SVEP1: variants seen among roughly 807,000 people sequenced by gnomAD.
SVEP1 encodes the protein sushi, von Willebrand factor type A, EGF and pentraxin domain-containing protein 1.
A neutral mutation model predicts 367.3 loss-of-function variants in SVEP1; 164 were observed. The observed-to-expected ratio is 0.45, with a 90% CI of 0.39 to 0.51. The LOEUF (loss-of-function observed/expected upper bound fraction) is 0.51. Ranked by LOEUF, SVEP1 falls within the 20% of genes least tolerant of loss-of-function variation. The pLI, the probability that SVEP1 is intolerant of heterozygous loss-of-function variation, is 0.00. For synonymous variants in SVEP1, 1,666 were observed against 1,611.6 expected, an observed-to-expected ratio of 1.03 and a Z score of -0.81; for missense variants, 4,117 against 4,425.3, an observed-to-expected ratio of 0.93 and a Z score of 1.98.
rs1827315958 is a variant in SVEP1 at position 110,374,113 on chromosome 9, G to A, written c.10600+1255C>T. Among the ~76,000 whole-genome samples the A allele has an allele frequency of 1.3e-5, 2 of 152,084 alleles. 1 individual carries two copies. The highest frequency in any genetic ancestry group is 4.1e-4 in the South Asian group (2 of 4,824). ...TTTCATCACTCAGGTACTAAGCCTA[G>A]TTCCCAATAGTTATTTTGTTCTGAT... On this transcript the variant is annotated intron_variant, in intron 46 of 47. Coordinates refer to ENST00000374469, the MANE Select transcript of SVEP1 (RefSeq NM_153366.4).
intron 18 of SVEP1, among the ~76,000 whole-genome samples, chr9:110,462,052 A>C (rs1029747644): frequency 7.9e-5 from 12 of 152,146 alleles, no homozygotes; most frequent in African/African-American, 2.9e-4. Context: ...TAAAAGTATA[A>C]AACTTTTGTT....
chr9:110,437,741 G>A lies in SVEP1; in HGVS notation c.4640-1237C>T, dbSNP rs145739823. 2.6e-5 allele frequency among the ~76,000 whole-genome samples: 4 copies of A among 152,086 alleles called. No homozygotes were observed. In the East Asian group the frequency reaches 5.8e-4, roughly 22 times the overall value. ...TGAGATTTTGATGCACCCATCACCTGAGCTGTGTAAACTGTACCCAATGTG... is the reference window on the plus strand; with the variant it reads ...TGAGATTTTGATGCACCCATCACCTAAGCTGTGTAAACTGTACCCAATGTG... On this transcript the variant is annotated intron_variant, in intron 27 of 47. Coordinates refer to ENST00000374469, the MANE Select transcript of SVEP1 (RefSeq NM_153366.4).
At chr9:110,453,622 C>G (rs1588061027) in intron 22 of SVEP1, among the ~76,000 whole-genome samples, 1 of 152,036 alleles carries the variant, frequency 6.6e-6, no homozygotes, top group East Asian at 1.9e-4. Flanking sequence ...AATCCCAGCA[C>G]TTTGGGAGGC....
At chr9:110,522,051 C>T (rs1368610609) in intron 3 of SVEP1, among the ~76,000 whole-genome samples, 1 of 152,082 alleles carries the variant, frequency 6.6e-6, no homozygotes, top group Non-Finnish European at 1.5e-5. Flanking sequence ...TGTTAAACTA[C>T]TTTATATTCC....
In SVEP1 at chr9:110,365,373, G is replaced by A. The variant is rs1255977425; in HGVS notation, c.*1166C>T. 6.6e-6 allele frequency: 1 copy of A among 152,220 alleles called. No homozygotes were observed. Among genetic ancestry groups the A allele is most frequent in the Non-Finnish European group, 1.5e-5 (1 of 68,066 alleles). The allele number at this position is 152,220 out of a possible 1,614,324, so 9.4% of individuals were successfully genotyped here. A position where few individuals can be genotyped will look rare whatever the true frequency, so the allele number is the denominator to read the frequency against. On this transcript the variant is annotated 3_prime_UTR_variant, in exon 48 of 48. Transcript: ENST00000374469. ...CAATGGCTGAGGGATGCCTACGGTA[G>A]TGAAGAGAACCACTAGGAGAATCAA...
chr9:110,483,829 C>T, intron 9 of SVEP1, 136 bp from the exon 10 acceptor site: 1 of 491,830 alleles, frequency 2.0e-6, no homozygotes, highest in Non-Finnish European at 3.5e-6. Context: ...GACTCTGTGG[C>T]TCCTGTGATA....
chr9:110,496,136 C>T (rs1057346404), intron 8 of SVEP1, among the ~76,000 whole-genome samples: 5 of 152,170 alleles, frequency 3.3e-5, no homozygotes, highest in Admixed American at 3.3e-4. Flanking sequence ...CTGTCAGATG[C>T]CGCATTCACA....
At chr9:110,368,661 C>CT (rs1197509575) in intron 47 of SVEP1, among the ~76,000 whole-genome samples, 2 of 152,082 alleles carry the variant, frequency 1.3e-5, no homozygotes, top group East Asian at 1.9e-4. Flanking sequence ...CTAAATACTT[C>CT]TTTTTTGAGT....
rs568361613 is a variant in SVEP1, at chr9:110,382,484, G to A, written c.10238-2967C>T. ...TGTAGGTCACCTGGACTTTCTCTCT[G>A]GCTGCCCTTAACATTTTTTCCTTCA... On this transcript the variant is annotated intron_variant, in intron 43 of 47. Transcript: ENST00000374469. Among the ~76,000 whole-genome samples, 32 of 152,154 alleles carry A rather than the reference G, an allele frequency of 2.1e-4. No homozygotes were observed. The East Asian group carries it at 6.0e-3, about 28-fold the overall frequency.
intron 3 of SVEP1, among the ~76,000 whole-genome samples, chr9:110,514,854 C>A (rs1286761951): frequency 6.6e-6 from 1 of 152,222 alleles, no homozygotes; most frequent in African/African-American, 2.4e-5. Context: ...CAGCTCCTCT[C>A]TTAGCAAAGG....
intron 3 of SVEP1, among the ~76,000 whole-genome samples, chr9:110,517,408 G>A (rs938101354): frequency 1.3e-5 from 2 of 151,894 alleles, no homozygotes; most frequent in Admixed American, 6.6e-5. Context: ...GACTGCCCTG[G>A]CCAACATGGT....
intron 19 of SVEP1, 41 bp downstream of exon 19, chr9:110,458,911 T>C (rs1828816035): frequency 1.3e-6 from 2 of 1,584,470 alleles, no homozygotes; most frequent in South Asian, 1.1e-5. Context: ...GAAAAGTAAA[T>C]GTCCAACATA....
At chr9:110,483,131 C>T (rs73655376) in intron 10 of SVEP1, among the ~76,000 whole-genome samples, 4,293 of 152,196 alleles carry the variant, frequency 0.028, 194 homozygotes, top group African/African-American at 0.098. Flanking sequence ...TTTCTGAGTT[C>T]TACTGAAACC....
Position 110,386,150 on chromosome 9 carries a change from A to C in SVEP1, c.10061-76T>G. 3.4e-6 allele frequency: 5 copies of C among 1,484,040 alleles called. No individual in the cohort carries two copies. The South Asian group carries it at 6.8e-5, about 20-fold the overall frequency. 91.9% of individuals were successfully genotyped at this position (1,484,040 alleles called of 1,614,324 possible). On this transcript the variant is annotated intron_variant, in intron 42 of 47. Coordinates refer to ENST00000374469, the MANE Select transcript of SVEP1 (RefSeq NM_153366.4). ...TGTATTTCTTTGAAGGTGGAGTAGTAGTCCTATAAGAGATGGGTTCTCAAT... is the reference window on the plus strand; with the variant it reads ...TGTATTTCTTTGAAGGTGGAGTAGTCGTCCTATAAGAGATGGGTTCTCAAT...
chr9:110,432,675 A>G, intron 30 of SVEP1, 40 bp from the exon 31 acceptor site: 2 of 1,563,228 alleles, frequency 1.3e-6, no homozygotes, highest in Non-Finnish European at 1.7e-6. Context: ...CATTAAGAGC[A>G]AAATACTCCA....
rs116782570 is a variant in SVEP1 at position 110,577,854 on chromosome 9, T to C, written c.531+1159A>G. ...AAATACAAATGTCCAGTAGATGTAC[T>C]GGAAAATGTTCATCCTCAAAAATCA... On this transcript the variant is annotated intron_variant, in intron 1 of 47. Transcript: ENST00000374469. 2.7e-3 allele frequency among the ~76,000 whole-genome samples: 406 copies of C among 152,258 alleles called. 1 individual carries two copies. Among genetic ancestry groups the C allele is most frequent in the African/African-American group, 9.3e-3 (386 of 41,574 alleles).
At chr9:110,496,689 T>A (rs1296128623) in intron 8 of SVEP1, 126 bp downstream of exon 8, 4 of 615,108 alleles carry the variant, frequency 6.5e-6, no homozygotes, top group Non-Finnish European at 1.1e-5. Flanking sequence ...ATCCTATTAG[T>A]TCTGTCCCTC....
chr9:110,555,388 G>C (rs1830344148), intron 1 of SVEP1, among the ~76,000 whole-genome samples: 1 of 152,202 alleles, frequency 6.6e-6, no homozygotes, highest in African/African-American at 2.4e-5. Flanking sequence ...TTGGTCTTGA[G>C]TGAGTAGTTA....
chr9:110,550,154 T>C (rs768848576), intron 1 of SVEP1, 50 bp from the exon 2 acceptor site: 32 of 1,600,810 alleles, frequency 2.0e-5, no homozygotes, highest in African/African-American at 2.7e-5. Flanking sequence ...TCTTGCCTAC[T>C]GTGTGCTTCT....
Sources: gnomAD v4.1 joint callset for allele counts (sites outside exome capture counted in the v4.1 genomes callset) on GRCh38, gnomAD v4.1.1 for gene constraint, MANE v1.5 for transcripts, NCBI Gene and HGNC (gene_info 2026-07-23, HGNC 2026-07-21) for gene names.